Variants in SRRM3 observed in about 807,000 individuals in gnomAD.
SRRM3 encodes serine/arginine repetitive matrix protein 3.
Under a neutral mutation model 66.2 loss-of-function variants are expected in SRRM3, and 27 were observed. The observed-to-expected ratio is 0.41, with a 90% CI of 0.30 to 0.56. SRRM3 has a LOEUF of 0.56. Ranked by LOEUF, SRRM3 falls within the 20% of genes least tolerant of loss-of-function variation. The pLI is 0.32. For missense variants in SRRM3, 918 were observed against 991.9 expected (o/e 0.93, Z 1.00); for synonymous variants, 391 against 414.9 (o/e 0.94, Z 0.70).
intron 1 of SRRM3, among the ~76,000 whole-genome samples, chr7:76,210,187 A>C (rs369970817): frequency 3.3e-4 from 51 of 152,310 alleles, no homozygotes; most frequent in Admixed American, 1.0e-3. Context: ...AGCTGATGGC[A>C]CAGCCCTTGG....
chr7:76,216,795 G>C (rs76974510), intron 1 of SRRM3, among the ~76,000 whole-genome samples: 1 of 152,164 alleles, frequency 6.6e-6, no homozygotes, highest in Admixed American at 6.6e-5. Flanking sequence ...GCAGCCCCTC[G>C]GGGGAGGAAA....
intron 3 of SRRM3, among the ~76,000 whole-genome samples, chr7:76,252,218 T>A (rs527973041): frequency 4.1e-4 from 63 of 152,350 alleles, no homozygotes; most frequent in African/African-American, 1.5e-3. Flanking sequence ...GAAGACCTCA[T>A]GCTGGCTTAC....
intron 8 of SRRM3, among the ~76,000 whole-genome samples, chr7:76,262,820 AAAAG>A (rs144957959): frequency 1.5e-3 from 226 of 150,232 alleles, no homozygotes; most frequent in African/African-American, 3.4e-3. Flanking sequence ...CATCTCAAAA[AAAAG>A]AAAGAAAGAA....
At chr7:76,220,210 C>G (rs1800674629) in intron 1 of SRRM3, among the ~76,000 whole-genome samples, 1 of 152,184 alleles carries the variant, frequency 6.6e-6, no homozygotes, top group South Asian at 2.1e-4. Flanking sequence ...TGCCCTTGGA[C>G]AGCCCTCAGT....
chr7:76,277,448 C>A (rs1444730838), intron 11 of SRRM3, among the ~76,000 whole-genome samples: 1 of 152,058 alleles, frequency 6.6e-6, no homozygotes, highest in Non-Finnish European at 1.5e-5. Flanking sequence ...AATTCCAGCA[C>A]TTTAGGAGGC....
chr7:76,248,314 G>A (rs1554606427), intron 3 of SRRM3, 25 bp downstream of exon 3: 2 of 1,578,240 alleles, frequency 1.3e-6, no homozygotes, highest in African/African-American at 1.3e-5. Context: ...GTGTGGGGAT[G>A]AGGGAGAGGG....
At chr7:76,256,273 G>A (rs1047397355) in intron 3 of SRRM3, among the ~76,000 whole-genome samples, 2 of 152,092 alleles carry the variant, frequency 1.3e-5, no homozygotes, top group African/African-American at 4.8e-5. Context: ...TTGGGAGGCC[G>A]AGGCAGGTAG....
intron 1 of SRRM3, among the ~76,000 whole-genome samples, chr7:76,223,194 C>G (rs1583878273): frequency 6.6e-6 from 1 of 152,298 alleles, no homozygotes; most frequent in East Asian, 1.9e-4. Flanking sequence ...AGTAGCCACT[C>G]ACAAATAGCT....
chr7:76,232,382 G>A (rs1554604321), intron 1 of SRRM3, among the ~76,000 whole-genome samples: 2 of 152,056 alleles, frequency 1.3e-5, no homozygotes. Flanking sequence ...GACCAGCCTG[G>A]GCAACATGGT....
chr7:76,285,610 G>A lies in SRRM3; in HGVS notation c.1734-5G>A, dbSNP rs1266121752. The A allele has an allele frequency of 1.8e-5, 28 of 1,547,064 alleles. No homozygotes were observed. The highest frequency in any genetic ancestry group is 3.6e-5 in the South Asian group (3 of 83,904). ...GGCCTGTAATCAGCTTTTTCTTCCCGGCAGCGCCCGCAAGCGTCCTATTCC... is the reference window on the plus strand; with the variant it reads ...GGCCTGTAATCAGCTTTTTCTTCCCAGCAGCGCCCGCAAGCGTCCTATTCC... On this transcript the variant is annotated splice_region_variant and splice_polypyrimidine_tract_variant and intron_variant, in intron 14 of 14. Coordinates refer to ENST00000611745, the MANE Select transcript of SRRM3 (RefSeq NM_001110199.3). The surrounding 1 kb of genome is among the most constrained non-coding windows in gnomAD (Gnocchi z 4.1).
chr7:76,257,677 G>A (rs1801748249), intron 3 of SRRM3, among the ~76,000 whole-genome samples: 3 of 151,972 alleles, frequency 2.0e-5, no homozygotes, highest in Admixed American at 2.0e-4. Context: ...GGAGGCTGGA[G>A]TGGGAGGATC....
chr7:76,271,943 A>G (rs1240192586), intron 11 of SRRM3, among the ~76,000 whole-genome samples: 1 of 152,228 alleles, frequency 6.6e-6, no homozygotes, highest in Non-Finnish European at 1.5e-5. Context: ...TCTGTGACTC[A>G]GGGAACCCTA....
chr7:76,235,995 G>A (rs1403647630), intron 2 of SRRM3, among the ~76,000 whole-genome samples: 1 of 55,230 alleles, frequency 1.8e-5, no homozygotes, highest in Non-Finnish European at 3.0e-5. Context: ...AACAGATCGA[G>A]ATTCTGTCTC....
chr7:76,256,504 T>C (rs1197116935), intron 3 of SRRM3, among the ~76,000 whole-genome samples: 3 of 151,216 alleles, frequency 2.0e-5, no homozygotes, highest in African/African-American at 7.3e-5. Flanking sequence ...CAAGACTCTG[T>C]TTAAAAAAAA....
At chr7:76,255,436 A>C (rs1326079173) in intron 3 of SRRM3, among the ~76,000 whole-genome samples, 1 of 151,822 alleles carries the variant, frequency 6.6e-6, no homozygotes, top group Non-Finnish European at 1.5e-5. Flanking sequence ...GGCATGAGCC[A>C]CCACGCCCAG....
At chr7:76,258,646 G>C (rs1368801872) in intron 3 of SRRM3, among the ~76,000 whole-genome samples, 1 of 149,348 alleles carries the variant, frequency 6.7e-6, no homozygotes, top group South Asian at 2.1e-4. Context: ...CCCAGCAGGC[G>C]GAGGATGCAG....
At chr7:76,235,938 G>A (rs1465027983) in intron 2 of SRRM3, among the ~76,000 whole-genome samples, 1 of 148,132 alleles carries the variant, frequency 6.8e-6, no homozygotes, top group Non-Finnish European at 1.5e-5. Context: ...CCCAGGAGGC[G>A]GAGGTTGCAG....
intron 1 of SRRM3, among the ~76,000 whole-genome samples, chr7:76,214,058 G>A (rs1025371526): frequency 2.6e-5 from 4 of 152,052 alleles, no homozygotes; most frequent in Admixed American, 6.6e-5. Context: ...GATTACAGGC[G>A]TGAACCACTG....
At chr7:76,278,403 C>A (rs184075418) in intron 11 of SRRM3, among the ~76,000 whole-genome samples, 4 of 152,290 alleles carry the variant, frequency 2.6e-5, no homozygotes, top group Middle Eastern at 6.8e-3. Context: ...AGGAGAATCG[C>A]TTGAACCCGG....
Sources: allele counts gnomAD v4.1 joint callset (sites outside exome capture counted in the v4.1 genomes callset), GRCh38; gene constraint gnomAD v4.1.1; non-coding constraint Gnocchi (gnomAD v3.1); transcripts MANE v1.5; gene names NCBI Gene and HGNC (gene_info 2026-07-23, HGNC 2026-07-21).